Variants in DCC observed in about 807,000 individuals in gnomAD.
DCC encodes the protein DCC netrin 1 receptor.
A neutral mutation model predicts 172.5 loss-of-function variants in DCC; 58 were observed. The ratio of observed to expected loss-of-function variants is 0.34; its 90% CI spans 0.27 to 0.42. The LOEUF is 0.42. DCC is among the 10% of genes least tolerant of loss of function. The pLI, the probability that DCC is intolerant of heterozygous loss-of-function variation, is 1.00. For missense variants in DCC, 1,740 were observed against 1,791.0 expected, an observed-to-expected ratio of 0.97 and a Z score of 0.51; for synonymous variants, 709 against 644.5, an observed-to-expected ratio of 1.10 and a Z score of -1.52.
chr18:53,318,989 A>G (rs754495610), intron 13 of DCC, among the ~76,000 whole-genome samples: 1 of 152,220 alleles, frequency 6.6e-6, no homozygotes, highest in Non-Finnish European at 1.5e-5. Context: ...TTGGCAACCC[A>G]GAATTTCATA....
At chr18:52,423,021 G>T (rs1487589772) in intron 1 of DCC, among the ~76,000 whole-genome samples, 1 of 152,168 alleles carries the variant, frequency 6.6e-6, no homozygotes, top group Non-Finnish European at 1.5e-5. Flanking sequence ...AACAAAGTGA[G>T]TCAGAAAATT....
At position 53,440,315 on chromosome 18, in the gene DCC, A is replaced by C. The variant is rs559260329; in HGVS notation, c.3229+5106A>C. Among the ~76,000 whole-genome samples the C allele has an allele frequency of 5.9e-5, 9 of 152,308 alleles. No individual in the cohort carries two copies. The South Asian group carries it at 1.9e-3, about 32-fold the overall frequency. Reference sequence around the variant, plus strand: ...TTTGATTAAAAGATCTATAAACCTCATAATAGTATTTTATTGACCTCAACC... The same window carrying C: ...TTTGATTAAAAGATCTATAAACCTCCTAATAGTATTTTATTGACCTCAACC... On this transcript the variant is annotated intron_variant, in intron 22 of 28. Transcript: ENST00000442544.
chr18:52,482,762 A>T (rs769161152), intron 1 of DCC, among the ~76,000 whole-genome samples: 1 of 152,138 alleles, frequency 6.6e-6, no homozygotes, highest in Non-Finnish European at 1.5e-5. Flanking sequence ...TTGAAGATTT[A>T]TCTTCCAGAG....
intron 5 of DCC, among the ~76,000 whole-genome samples, chr18:53,043,734 A>G (rs1402031355): frequency 6.6e-6 from 1 of 151,922 alleles, no homozygotes; most frequent in Non-Finnish European, 1.5e-5. Flanking sequence ...TGTGTTTTAG[A>G]TAGTTTCTTC....
intron 14 of DCC, among the ~76,000 whole-genome samples, chr18:53,322,491 G>A (rs1467993169): frequency 1.3e-5 from 2 of 152,020 alleles, no homozygotes; most frequent in Non-Finnish European, 2.9e-5. Context: ...AAGAATTAGT[G>A]TAATTTATAA....
intron 1 of DCC, among the ~76,000 whole-genome samples, chr18:52,435,261 C>T (rs964795215): frequency 1.3e-5 from 2 of 152,076 alleles, no homozygotes; most frequent in African/African-American, 4.8e-5. Flanking sequence ...TTTTCTGCAC[C>T]AAGAAACTCC....
chr18:52,816,606 A>G (rs914879165), intron 2 of DCC: 2 of 152,126 alleles, frequency 1.3e-5, no homozygotes, highest in Admixed American at 1.3e-4. Context: ...CGATCACACC[A>G]CTGAGTGTTA....
intron 1 of DCC, among the ~76,000 whole-genome samples, chr18:52,620,861 GA>G (rs1250415428): frequency 6.6e-6 from 1 of 152,182 alleles, no homozygotes; most frequent in Non-Finnish European, 1.5e-5. Flanking sequence ...CACAAGCATG[GA>G]ATTTACACTG....
intron 14 of DCC, among the ~76,000 whole-genome samples, chr18:53,327,297 A>T (rs1250369691): frequency 6.6e-6 from 1 of 152,122 alleles, no homozygotes; most frequent in Non-Finnish European, 1.5e-5. Flanking sequence ...TGTGCCTCAA[A>T]ATTTCAGCTT....
intron 1 of DCC, among the ~76,000 whole-genome samples, chr18:52,699,010 CT>C (rs1310979905): frequency 2.0e-5 from 3 of 152,012 alleles, no homozygotes; most frequent in African/African-American, 7.2e-5. Context: ...GTTATATGTG[CT>C]TAGATAAGTG....
Position 53,221,631 on chromosome 18 carries a change from A to T in DCC, c.1911+6034A>T, listed in dbSNP as rs985411382. ...CCCAATTACAGAATCCCTGGCAACG[A>T]CTATTTTACTTTTTGTATCCCAACT... is the stretch of plus-strand genomic sequence containing the variant. On this transcript the variant is annotated intron_variant, in intron 12 of 28. Transcript: ENST00000442544. Among the ~76,000 whole-genome samples the T allele has an allele frequency of 2.0e-5, 3 of 152,134 alleles. No individual in the cohort carries two copies. In the East Asian group the frequency reaches 5.8e-4, roughly 29 times the overall value.
chr18:53,354,332 C>T (rs778096223), intron 15 of DCC, among the ~76,000 whole-genome samples: 178 of 152,276 alleles, frequency 1.2e-3, no homozygotes, highest in Non-Finnish European at 2.0e-3. Flanking sequence ...CCTGAGGAAT[C>T]GCCACACTGT....
intron 9 of DCC, among the ~76,000 whole-genome samples, chr18:53,187,182 G>GT (rs2144502286): frequency 6.6e-6 from 1 of 150,776 alleles, no homozygotes; most frequent in Admixed American, 6.6e-5. Flanking sequence ...GAGTGCAGTG[G>GT]TGTGATCTCA....
intron 1 of DCC, among the ~76,000 whole-genome samples, chr18:52,638,755 GTCAGGGACT>G (rs1299863894): frequency 2.6e-5 from 4 of 152,052 alleles, no homozygotes; most frequent in Non-Finnish European, 4.4e-5. Context: ...CACAGTAATA[GTCAGGGACT>G]TCAATACTCC....
At chr18:52,383,912 A>T (rs568883008) in intron 1 of DCC, among the ~76,000 whole-genome samples, 10 of 152,166 alleles carry the variant, frequency 6.6e-5, no homozygotes, top group African/African-American at 2.4e-4. Context: ...TCATTCTTGT[A>T]TATGTATGTA....
At chr18:53,412,515 A>G (rs1276431044) in intron 20 of DCC, among the ~76,000 whole-genome samples, 4 of 152,146 alleles carry the variant, frequency 2.6e-5, no homozygotes, top group African/African-American at 7.2e-5. Flanking sequence ...CAAAGATAAA[A>G]TCATGCTATT....
chr18:52,563,057 A>G (rs1475064689), intron 1 of DCC, among the ~76,000 whole-genome samples: 2 of 152,176 alleles, frequency 1.3e-5, no homozygotes, highest in Admixed American at 6.6e-5. Flanking sequence ...TTCAAATATC[A>G]GTTCATAAAA....
At chr18:52,415,985 T>G (rs968070245) in intron 1 of DCC, among the ~76,000 whole-genome samples, 15 of 152,124 alleles carry the variant, frequency 9.9e-5, no homozygotes, top group African/African-American at 3.6e-4. Flanking sequence ...TTTTGGATCT[T>G]TCCTGCTTTC....
At chr18:53,521,080 G>A (rs796102349) in intron 27 of DCC, among the ~76,000 whole-genome samples, 2 of 151,900 alleles carry the variant, frequency 1.3e-5, no homozygotes, top group Non-Finnish European at 2.9e-5. Context: ...AAGAGCCCTC[G>A]TGGTTCCGGC....
Sources: gnomAD v4.1 joint callset for allele counts (sites outside exome capture counted in the v4.1 genomes callset) on GRCh38, gnomAD v4.1.1 for gene constraint, MANE v1.5 for transcripts, NCBI Gene and HGNC (gene_info 2026-07-23, HGNC 2026-07-21) for gene names.